The following MARK2 variants were observed in gnomAD, a reference collection of about 807,000 sequenced individuals.
MARK2 encodes microtubule affinity regulating kinase 2, also known as serine/threonine-protein kinase MARK2.
In MARK2, 16 loss-of-function variants were observed where a neutral mutation model predicts 89.8. The ratio of observed to expected loss-of-function variants is 0.18; its 90% CI spans 0.12 to 0.27. The LOEUF is 0.27. Among genes scored for constraint, MARK2 ranks in the 10% least tolerant of loss-of-function variants. MARK2 has a pLI of 1.00. For synonymous variants in MARK2, 382 were observed against 399.5 expected (o/e 0.96, Z 0.52); for missense variants, 621 against 1,049.9 (o/e 0.59, Z 5.65).
intron 1 of MARK2, among the ~76,000 whole-genome samples, chr11:63,848,660 C>T (rs796340790): frequency 2.6e-5 from 4 of 151,886 alleles, no homozygotes; most frequent in African/African-American, 9.7e-5. Context: ...ACACCATTCT[C>T]CTGCCTCAGC....
chr11:63,865,100 A>G (rs1938054677), intron 1 of MARK2, among the ~76,000 whole-genome samples: 1 of 151,796 alleles, frequency 6.6e-6, no homozygotes, highest in Admixed American at 6.6e-5. Context: ...CATGTTGCCC[A>G]GGCTGGCCTG....
intron 1 of MARK2, among the ~76,000 whole-genome samples, chr11:63,891,767 G>A (rs146031475): frequency 7.0e-4 from 107 of 152,350 alleles, no homozygotes; most frequent in African/African-American, 2.4e-3. Context: ...TTCATTGCCC[G>A]TTAGGCAGAT....
intron 1 of MARK2, among the ~76,000 whole-genome samples, chr11:63,856,768 G>GGTTTTTTTTTTTTTTTTTTTTTTTTT (rs1565100741): frequency 1.9e-5 from 1 of 53,796 alleles, no homozygotes; most frequent in African/African-American, 7.3e-5. Flanking sequence ...AATTTTTCAT[G>GGTTTTTTTTTTTTTTTTTTTTTTTTT]TTTTTTTTTT....
chr11:63,890,288 G>T (rs71454584), intron 1 of MARK2: 9 of 1,344,788 alleles, frequency 6.7e-6, no homozygotes, highest in Non-Finnish European at 8.8e-6. Flanking sequence ...AGAAGAAGGG[G>T]TGCAGGGGTA....
chr11:63,851,965 A>G (rs1027375578), intron 1 of MARK2, among the ~76,000 whole-genome samples: 3 of 152,142 alleles, frequency 2.0e-5, no homozygotes, highest in Non-Finnish European at 4.4e-5. Flanking sequence ...AATTTTGGAC[A>G]CTGTAATATT....
intron 1 of MARK2, among the ~76,000 whole-genome samples, chr11:63,841,980 C>T (rs558593991): frequency 6.6e-6 from 1 of 152,158 alleles, no homozygotes; most frequent in Non-Finnish European, 1.5e-5. Flanking sequence ...GCTCTTTGCT[C>T]TTTGATAACT....
chr11:63,859,066 G>A (rs1000662043), intron 1 of MARK2, among the ~76,000 whole-genome samples: 7 of 151,966 alleles, frequency 4.6e-5, no homozygotes, highest in Non-Finnish European at 1.0e-4. Context: ...TTATGAGGTA[G>A]GTTTGTGTTT....
intron 1 of MARK2, among the ~76,000 whole-genome samples, chr11:63,873,616 C>T (rs186238236): frequency 5.5e-4 from 83 of 152,226 alleles, no homozygotes; most frequent in Admixed American, 4.5e-3. Flanking sequence ...AGTAGCAGCC[C>T]GACCCTGCTG....
chr11:63,906,556 T>C (rs1195034871), intron 17 of MARK2, among the ~76,000 whole-genome samples: 1 of 145,906 alleles, frequency 6.9e-6, no homozygotes. Flanking sequence ...TCCCTTGTCA[T>C]GTGCATGCGC....
intron 1 of MARK2, among the ~76,000 whole-genome samples, chr11:63,851,767 C>CT (rs921827756): frequency 1.6e-3 from 229 of 146,908 alleles, no homozygotes; most frequent in Middle Eastern, 7.2e-3. Context: ...CTTTAGAAAA[C>CT]TTTTTTTTTT....
rs1941692549 is a variant in MARK2 at position 63,910,652 on chromosome 11, A to ATTTTATTT, written c.*1419_*1420insATTTTTTT. 2 of 137,428 alleles carry ATTTTATTT rather than the reference A, an allele frequency of 1.5e-5. No individual in the cohort carries two copies. The highest frequency in any genetic ancestry group is 3.1e-5 in the Non-Finnish European group (2 of 64,262). The allele number at this position is 137,428 out of a possible 1,614,324, so 8.5% of individuals were successfully genotyped here. On this transcript the variant is annotated 3_prime_UTR_variant, in exon 19 of 19. Transcript: ENST00000402010. Reference sequence around the variant, plus strand: ...GTTTTATTTTTTATTATTTTATTTTATTTTTTTTTTTTTTGATTTATGATG... The same window carrying ATTTTATTT: ...GTTTTATTTTTTATTATTTTATTTTATTTTATTTTTTTTTTTTTTTTTGATTTATGATG...
intron 11 of MARK2, 131 bp downstream of exon 11, chr11:63,901,200 C>T: frequency 1.5e-6 from 1 of 666,364 alleles, no homozygotes; most frequent in Non-Finnish European, 2.7e-6. Flanking sequence ...TTTTAAGCCT[C>T]AGCTTTGGTG....
chr11:63,862,579 C>T lies in MARK2; in HGVS notation c.54+23019C>T, dbSNP rs1001889110. The stretch of plus-strand genomic sequence containing the variant: ...GATGGAGTGGGAGCAGCTTTCTGGG[C>T]TCACCTCCCTACTATTGAGGGCTCT... On this transcript the variant is annotated intron_variant, in intron 1 of 18. Coordinates refer to ENST00000402010, the MANE Select transcript of MARK2 (RefSeq NM_001039469.3). 2.0e-5 allele frequency among the ~76,000 whole-genome samples: 3 copies of T among 150,772 alleles called. No homozygotes were observed. The East Asian group carries it at 5.9e-4, about 30-fold the overall frequency.
At chr11:63,888,497 G>C in intron 1 of MARK2, 7 of 1,003,744 alleles carry the variant, frequency 7.0e-6, no homozygotes, top group South Asian at 3.8e-5. Flanking sequence ...GAGGGGGGGA[G>C]GGGGAGGGGA....
chr11:63,900,572 G>A lies in MARK2; in HGVS notation c.782G>A (p.Arg261Gln). 1.2e-6 allele frequency: 2 copies of A among 1,614,074 alleles called. No individual in the cohort carries two copies. Among genetic ancestry groups the A allele is most frequent in the Non-Finnish European group, 1.7e-6 (2 of 1,180,010 alleles). ...ATCCTCCTGCAGGAGCTGCGGGAAC[G>A]GGTACTGAGGGGAAAATACCGTATT... The part of the protein sequence containing the change: ...DGQNLKELRE[R>Q]VLRGKYRIPF... The change falls in exon 9 of 19, where the codon CGG becomes CAG. Residue 261 changes from arginine (R) to glutamine (Q), a missense_variant. By Grantham distance (43) the Arg-to-Gln change is conservative. Coordinates refer to ENST00000402010, the MANE Select transcript of MARK2 (RefSeq NM_001039469.3). The surrounding 1 kb of genome is among the most constrained non-coding windows in gnomAD (Gnocchi z 4.7).
At chr11:63,873,854 C>G (rs1257050943) in intron 1 of MARK2, among the ~76,000 whole-genome samples, 1 of 152,206 alleles carries the variant, frequency 6.6e-6, no homozygotes, top group Non-Finnish European at 1.5e-5. Context: ...ACCATGTTGG[C>G]CAGGCTGGTC....
chr11:63,867,102 C>G (rs765358210), intron 1 of MARK2, among the ~76,000 whole-genome samples: 1 of 152,234 alleles, frequency 6.6e-6, no homozygotes, highest in African/African-American at 2.4e-5. Flanking sequence ...TCTTGGCTCA[C>G]TGCAACCTCC....
At chr11:63,859,634 TTTC>T (rs1418477776) in intron 1 of MARK2, among the ~76,000 whole-genome samples, 4 of 151,578 alleles carry the variant, frequency 2.6e-5, no homozygotes, top group Non-Finnish European at 5.9e-5. Flanking sequence ...TATTTCTATC[TTTC>T]TTTTTTTTTT....
intron 1 of MARK2, chr11:63,888,706 G>T: frequency 2.5e-6 from 3 of 1,191,618 alleles, no homozygotes; most frequent in Middle Eastern, 7.7e-4. Context: ...CTCTCTGCTA[G>T]TGGTGGTTTC....
Sources: allele counts gnomAD v4.1 joint callset (sites outside exome capture counted in the v4.1 genomes callset), GRCh38; gene constraint gnomAD v4.1.1; non-coding constraint Gnocchi (gnomAD v3.1); transcripts MANE v1.5; gene names NCBI Gene and HGNC (gene_info 2026-07-23, HGNC 2026-07-21).